The following MAPK15 variants were observed in gnomAD, a reference collection of about 807,000 sequenced individuals.
The protein encoded by MAPK15 is ERK-7.
Under a neutral mutation model 60.8 loss-of-function variants are expected in MAPK15, and 61 were observed. That is an observed-to-expected ratio of 1.00 (90% CI 0.82 to 1.24). The LOEUF is 1.24. MAPK15 is among the 50% of genes most tolerant of loss of function. The pLI is 0.00. For missense variants in MAPK15, 808 were observed against 741.1 expected, an observed-to-expected ratio of 1.09 and a Z score of -1.05; for synonymous variants, 356 against 319.9, an observed-to-expected ratio of 1.11 and a Z score of -1.21.
chr8:143,721,263 C>T lies in MAPK15; in HGVS notation c.1056C>T (p.Thr352=). ...MILECGGSSG[T]SREKGPEGVS... Reference sequence around the variant, plus strand: ...TGGAGTGTGGAGGCAGCAGCGGCACCTCGAGAGAGAAGGGCCCGGAGGGTG... The same window carrying T: ...TGGAGTGTGGAGGCAGCAGCGGCACTTCGAGAGAGAAGGGCCCGGAGGGTG... Residue 352 remains threonine, a synonymous_variant, in exon 11 of 14, where the codon ACC becomes ACT. Coordinates refer to ENST00000338033, the MANE Select transcript of MAPK15 (RefSeq NM_139021.3). The T allele has an allele frequency of 6.2e-7, 1 of 1,612,994 alleles. No homozygotes were observed. The highest frequency in any genetic ancestry group is 8.5e-7 in the Non-Finnish European group (1 of 1,179,650).
At chr8:143,716,922 C>CTGTG (rs143854279) in intron 1 of MAPK15, among the ~76,000 whole-genome samples, 3 of 151,542 alleles carry the variant, frequency 2.0e-5, no homozygotes, top group South Asian at 4.2e-4. Context: ...GCATGTAAGC[C>CTGTG]TGTGTGTGTG....
chr8:143,716,406 T>A lies in MAPK15; in HGVS notation c.29T>A (p.Val10Asp). 6.2e-7 allele frequency: 1 copy of A among 1,605,680 alleles called. No homozygotes were observed. The highest frequency in any genetic ancestry group is 8.5e-7 in the Non-Finnish European group (1 of 1,176,956). ...TGCACCGTAGTGGACCCTCGCATTG[T>A]CCGGAGATACCTACTCAGGCGGCAG... is the stretch of plus-strand genomic sequence containing the variant. MCTVVDPRI[V>D]RRYLLRRQLG... Residue 10 changes from valine (V) to aspartate (D), a missense_variant, in exon 1 of 14, where the codon GTC becomes GAC. Physicochemically the swap from Val to Asp is radical, Grantham distance 152. Transcript: ENST00000338033.
Position 143,720,572 on chromosome 8 carries a change from G to A in MAPK15, c.780-131G>A, listed in dbSNP as rs1554619478. On this transcript the variant is annotated intron_variant, in intron 8 of 13. Transcript: ENST00000338033. This position sits in a 1 kb window ranked among gnomAD's most constrained non-coding sequence, Gnocchi z 4.6. ...GGGGCCCAGACTGCCTGCAGGTCAG[G>A]CACAGGGGCATCTACCTAGACAGGA... 1 of 1,479,496 alleles carries A rather than the reference G, an allele frequency of 6.8e-7. No individual in the cohort carries two copies. Among genetic ancestry groups the A allele is most frequent in the South Asian group, 1.4e-5 (1 of 72,728 alleles). The allele number at this position is 1,479,496 out of a possible 1,614,324, so 91.6% of individuals were successfully genotyped here.
At position 143,718,827 on chromosome 8, in the gene MAPK15, C is replaced by T. The variant is rs143159328; in HGVS notation, c.339C>T (p.His113=). 86 of 1,612,196 alleles carry T rather than the reference C, an allele frequency of 5.3e-5. No homozygotes were observed. The highest frequency in any genetic ancestry group is 3.9e-4 in the African/African-American group (29 of 74,952). The change falls in exon 5 of 14, where the codon CAC becomes CAT. Residue 113 remains histidine (H), a synonymous_variant. Transcript: ENST00000338033. ...AGGGCGGCCTGCTGCAGGACGTCCACGTGCGCTCCATCTTCTACCAGCTCC... is the reference window on the plus strand; with the variant it reads ...AGGGCGGCCTGCTGCAGGACGTCCATGTGCGCTCCATCTTCTACCAGCTCC... The part of the protein sequence containing the change: ...IRKGGLLQDV[H]VRSIFYQLLR...
At position 143,720,804 on chromosome 8, in the gene MAPK15, G is replaced by A. The variant is rs1554619553; in HGVS notation, c.881G>A (p.Ser294Asn). Reference protein sequence around the residue: ...LLVFAPDKRLSATQALQHPYV... With the variant: ...LLVFAPDKRLNATQALQHPYV... ...GTGTTCGCCCCGGACAAGCGGTTAA[G>A]CGCGACCCAGGCACTGCAGCACCCC... The change falls in exon 9 of 14, where the codon AGC (serine) becomes AAC (asparagine). Residue 294 changes from serine to asparagine, a missense_variant. By Grantham distance (46) the Ser-to-Asn change is conservative. Transcript: ENST00000338033. This position sits in a 1 kb window ranked among gnomAD's most constrained non-coding sequence, Gnocchi z 4.6. 5 of 1,613,562 alleles carry A rather than the reference G, an allele frequency of 3.1e-6. No individual in the cohort carries two copies. The highest frequency in any genetic ancestry group is 2.2e-5 in the South Asian group (2 of 91,086).
At chr8:143,718,722 AGGTTG>A in intron 4 of MAPK15, 48 bp from the exon 5 acceptor site, 1 of 164,160 alleles carries the variant, frequency 6.1e-6, no homozygotes, top group East Asian at 9.5e-5. Flanking sequence ...CACTCCCCCC[AGGTTG>A]CCCCCCCAGC....
Position 143,720,679 on chromosome 8 carries a change from G to A in MAPK15, c.780-24G>A, listed in dbSNP as rs117985317. 46,951 of 1,601,846 alleles carry A rather than the reference G, an allele frequency of 0.029. 852 individuals are homozygous for A. Among genetic ancestry groups the A allele is most frequent in the Middle Eastern group, 0.054 (323 of 6,026 alleles). On this transcript the variant is annotated intron_variant, in intron 8 of 13. Transcript: ENST00000338033. The surrounding 1 kb of genome is among the most constrained non-coding windows in gnomAD (Gnocchi z 4.6). ...GGAGGGGCCCTTGGGTCGGGCCCTGGAGACGACACACGGCAGCCCACAGGC... is the reference window on the plus strand; with the variant it reads ...GGAGGGGCCCTTGGGTCGGGCCCTGAAGACGACACACGGCAGCCCACAGGC...
At chr8:143,718,726 T>TTCCCCCCCCCCCCCCCCCC in intron 4 of MAPK15, 49 bp from the exon 5 acceptor site, 1 of 417,842 alleles carries the variant, frequency 2.4e-6, no homozygotes, top group Non-Finnish European at 4.5e-6. Flanking sequence ...CCCCCCAGGT[T>TTCCCCCCCCCCCCCCCCCC]GCCCCCCCAG....
intron 1 of MAPK15, 85 bp downstream of exon 1, chr8:143,716,528 G>C: frequency 1.5e-6 from 2 of 1,302,692 alleles, no homozygotes; most frequent in Non-Finnish European, 2.1e-6. Flanking sequence ...CGGTCCCCTC[G>C]GAGGCCTGTT....
Position 143,720,740 on chromosome 8 carries a change from A to G in MAPK15, c.817A>G (p.Thr273Ala), listed in dbSNP as rs201757970. The G allele has an allele frequency of 3.0e-4, 482 of 1,613,040 alleles. 2 individuals are homozygous for G. The highest frequency in any genetic ancestry group is 7.0e-4 in the South Asian group (64 of 91,016). The change falls in exon 9 of 14, where the codon ACC becomes GCC. Residue 273 changes from threonine to alanine, a missense_variant. Transcript: ENST00000338033. The surrounding 1 kb of genome is among the most constrained non-coding windows in gnomAD (Gnocchi z 4.6). ...QTLDALLPPD[T>A]SPEALDLLRR... ...GCTGGATGCCCTCCTACCGCCAGAC[A>G]CCTCCCCAGAGGCCTTGGACCTCCT...
Position 143,720,183 on chromosome 8 carries a change from C to T in MAPK15, c.722-47C>T, listed in dbSNP as rs782108408. The T allele has an allele frequency of 1.3e-6, 2 of 1,545,150 alleles. No individual in the cohort carries two copies. The highest frequency in any genetic ancestry group is 2.4e-5 in the South Asian group (2 of 84,044). ...CTGGCCCCAGATGCCCTGAGCCGCC[C>T]CAGCCGACCAGGCCTGCCTGGGTCA... On this transcript the variant is annotated intron_variant, in intron 7 of 13. Coordinates refer to ENST00000338033, the MANE Select transcript of MAPK15 (RefSeq NM_139021.3). The surrounding 1 kb of genome is among the most constrained non-coding windows in gnomAD (Gnocchi z 4.6).
intron 1 of MAPK15, among the ~76,000 whole-genome samples, chr8:143,716,792 G>A (rs1817828325): frequency 6.6e-6 from 1 of 152,230 alleles, no homozygotes; most frequent in African/African-American, 2.4e-5. Flanking sequence ...CCGGGTCACT[G>A]AGAGGAAGGG....
chr8:143,717,925 C>A, intron 2 of MAPK15, 122 bp from the exon 3 acceptor site: 1 of 1,509,758 alleles, frequency 6.6e-7, no homozygotes, highest in Non-Finnish European at 9.2e-7. Flanking sequence ...GGAACACTGC[C>A]CCCTTGCCAC....
rs1818113319 is a variant in MAPK15 at position 143,722,236 on chromosome 8, G to A, written c.1620G>A (p.Glu540=). 1 of 1,588,570 alleles carries A rather than the reference G, an allele frequency of 6.3e-7. No individual in the cohort carries two copies. The highest frequency in any genetic ancestry group is 8.6e-7 in the Non-Finnish European group (1 of 1,167,006). The part of the protein sequence containing the change: ...HSALGHLPLL[E]GHHV Reference sequence around the variant, plus strand: ...CACTGGGCCACCTGCCCCTGCTGGAGGGGCACCATGTGTGAGCCGCCCTAC... The same window carrying A: ...CACTGGGCCACCTGCCCCTGCTGGAAGGGCACCATGTGTGAGCCGCCCTAC... The change falls in exon 14 of 14, where the codon GAG becomes GAA. Residue 540 remains glutamate, a synonymous_variant. Coordinates refer to ENST00000338033, the MANE Select transcript of MAPK15 (RefSeq NM_139021.3).
intron 13 of MAPK15, 84 bp from the exon 14 acceptor site, chr8:143,721,991 T>C: frequency 2.0e-6 from 3 of 1,523,302 alleles, no homozygotes; most frequent in Non-Finnish European, 2.7e-6. Flanking sequence ...CAATGTCCAG[T>C]TCAAATCTCT....
Position 143,719,364 on chromosome 8 carries a change from G to C in MAPK15, c.603G>C (p.Met201Ile). 2 of 1,609,564 alleles carry C rather than the reference G, an allele frequency of 1.2e-6. No homozygotes were observed. The highest frequency in any genetic ancestry group is 1.7e-6 in the Non-Finnish European group (2 of 1,177,810). ...SSHRYTLGVDMWSLGCILGEM... is the reference protein window; with the variant it reads ...SSHRYTLGVDIWSLGCILGEM... ...CCAGATACACCCTTGGGGTGGACAT[G>C]TGGAGTCTGGGCTGTATCCTGGGGG... is the stretch of plus-strand genomic sequence containing the variant. Residue 201 changes from methionine to isoleucine, a missense_variant, in exon 7 of 14, where the codon ATG becomes ATC. By Grantham distance (10) the Met-to-Ile change is conservative. Coordinates refer to ENST00000338033, the MANE Select transcript of MAPK15 (RefSeq NM_139021.3).
chr8:143,718,156 G>C lies in MAPK15; in HGVS notation c.196-56G>C, dbSNP rs556281397. On this transcript the variant is annotated intron_variant, in intron 3 of 13. Transcript: ENST00000338033. ...AGACAGGAGAGAAACTGGCCTTCTT[G>C]GGCCCCAGAGCACAGCCCCTCCTGG... is the stretch of plus-strand genomic sequence containing the variant. The C allele has an allele frequency of 2.1e-4, 337 of 1,612,688 alleles. 1 individual carries two copies. Among genetic ancestry groups the C allele is most frequent in the Non-Finnish European group, 2.7e-4 (323 of 1,178,864 alleles).
intron 6 of MAPK15, 21 bp downstream of exon 6, chr8:143,719,177 A>C (rs1817943326): frequency 6.7e-7 from 1 of 1,497,916 alleles, no homozygotes; most frequent in African/African-American, 1.4e-5. Context: ...GACATCCCCA[A>C]CCCCCCCTCC....
chr8:143,717,880 G>A, intron 2 of MAPK15, 88 bp downstream of exon 2: 2 of 1,503,810 alleles, frequency 1.3e-6, no homozygotes. Flanking sequence ...GGTGGGAGCT[G>A]GAGCCCAGTC....
Sources: gnomAD v4.1 joint callset for allele counts (sites outside exome capture counted in the v4.1 genomes callset) on GRCh38, gnomAD v4.1.1 for gene constraint, Gnocchi (gnomAD v3.1) non-coding constraint, MANE v1.5 for transcripts, NCBI Gene and HGNC (gene_info 2026-07-23, HGNC 2026-07-21) for gene names.